Variants in CDH18 observed in about 807,000 individuals in gnomAD.
CDH18 encodes the protein cadherin-18.
A neutral mutation model predicts 67.9 loss-of-function variants in CDH18; 31 were observed. The observed-to-expected ratio is 0.46, with a 90% confidence interval of 0.34 to 0.62. CDH18 has a LOEUF of 0.62. Among genes scored for constraint, CDH18 ranks in the 20% least tolerant of loss-of-function variants. CDH18 has a pLI of 0.01. For missense variants in CDH18, 890 were observed against 975.5 expected, an observed-to-expected ratio of 0.91 and a Z score of 1.17; for synonymous variants, 362 against 347.2, an observed-to-expected ratio of 1.04 and a Z score of -0.48.
intron 1 of CDH18, among the ~76,000 whole-genome samples, chr5:20,470,975 C>T (rs944032442): frequency 1.3e-5 from 2 of 152,128 alleles, no homozygotes; most frequent in African/African-American, 2.4e-5. Flanking sequence ...CCTTGATGCT[C>T]CTCTTCTTTT....
At position 19,747,186 on chromosome 5, in the gene CDH18, A is replaced by G. The variant is rs778976848; in HGVS notation, c.279T>C (p.Thr93=). 6.2e-7 allele frequency: 1 copy of G among 1,614,044 alleles called. No homozygotes were observed. The highest frequency in any genetic ancestry group is 1.7e-5 in the Admixed American group (1 of 60,026). The stretch of plus-strand genomic sequence containing the variant: ...TAAATATAGTCCCAGCACCCTCTCC[A>G]GTAAGGATGTACTTGACAGATCCAT... ...KGDGSVKYIL[T]GEGAGTIFII... Residue 93 remains threonine, a synonymous_variant, in exon 4 of 13, where the codon ACT becomes ACC. Transcript: ENST00000382275.
At position 20,042,086 on chromosome 5, in the gene CDH18, C is replaced by T. The variant is rs557872605; in HGVS notation, c.-517-50072G>A. On this transcript the variant is annotated intron_variant, in intron 2 of 14. Coordinates refer to the CDH18 transcript ENST00000507958. ...TGTGTCAGCCAGAGTTCAAGGCACACGAGCTTTTCTCACACTGACATGTTC... is the reference window on the plus strand; with the variant it reads ...TGTGTCAGCCAGAGTTCAAGGCACATGAGCTTTTCTCACACTGACATGTTC... 5.9e-5 allele frequency among the ~76,000 whole-genome samples: 9 copies of T among 152,346 alleles called. No individual in the cohort carries two copies. In the South Asian group the frequency reaches 1.2e-3, roughly 21 times the overall value.
intron 4 of CDH18, among the ~76,000 whole-genome samples, chr5:19,739,815 A>G (rs920552743): frequency 5.3e-5 from 8 of 152,170 alleles, no homozygotes; most frequent in Non-Finnish European, 7.3e-5. Flanking sequence ...AATGGCTACT[A>G]GAATCTTGGC....
At chr5:20,103,429 T>C (rs1157736374) in intron 2 of CDH18, among the ~76,000 whole-genome samples, 3 of 151,956 alleles carry the variant, frequency 2.0e-5, no homozygotes, top group Non-Finnish European at 2.9e-5. Context: ...TTAGGTGAGA[T>C]ATATACATAA....
At chr5:20,019,102 AG>A (rs1202574715) in intron 2 of CDH18, among the ~76,000 whole-genome samples, 5 of 152,122 alleles carry the variant, frequency 3.3e-5, no homozygotes, top group Non-Finnish European at 5.9e-5. Flanking sequence ...CGGCCTAATA[AG>A]GCATTCTTAA....
chr5:20,103,345 A>G (rs368944877), intron 2 of CDH18, among the ~76,000 whole-genome samples: 7 of 152,208 alleles, frequency 4.6e-5, no homozygotes, highest in East Asian at 3.9e-4. Context: ...AAAAGGATTT[A>G]TAAAATCATC....
chr5:20,432,996 T>C (rs1748879725), intron 1 of CDH18, among the ~76,000 whole-genome samples: 1 of 143,858 alleles, frequency 7.0e-6, no homozygotes, highest in Non-Finnish European at 1.5e-5. Context: ...ATGTATACTA[T>C]TTAGTCATTG....
intron 2 of CDH18, among the ~76,000 whole-genome samples, chr5:20,006,492 A>G (rs527840109): frequency 1.3e-5 from 2 of 152,100 alleles, no homozygotes; most frequent in South Asian, 4.1e-4. Context: ...TACAATGTCT[A>G]CAATAACAGC....
chr5:19,836,339 G>A (rs1781631564), intron 3 of CDH18, among the ~76,000 whole-genome samples: 1 of 152,072 alleles, frequency 6.6e-6, no homozygotes. Context: ...GTTGTTTCCT[G>A]ACTTTTTAAT....
At chr5:20,540,644 T>C (rs1757002428) in intron 1 of CDH18, among the ~76,000 whole-genome samples, 1 of 152,166 alleles carries the variant, frequency 6.6e-6, no homozygotes, top group South Asian at 2.1e-4. Flanking sequence ...GACATATTGG[T>C]AGCACATCCA....
At position 20,424,353 on chromosome 5, in the gene CDH18, A is replaced by T. The variant is rs1343155416; in HGVS notation, c.-580+151109T>A. Among the ~76,000 whole-genome samples, 2 of 150,994 alleles carry T rather than the reference A, an allele frequency of 1.3e-5. 1 individual carries two copies. Among genetic ancestry groups the T allele is most frequent in the African/African-American group, 5.0e-5 (2 of 40,332 alleles). The stretch of plus-strand genomic sequence containing the variant: ...TTTCCAACAGCACCATCATATTATC[A>T]TACAAATGTGAAGGAAAGAACAAGG... On this transcript the variant is annotated intron_variant, in intron 1 of 14. Transcript: ENST00000507958.
At chr5:19,634,800 G>T (rs1580617844) in intron 5 of CDH18, among the ~76,000 whole-genome samples, 1 of 152,056 alleles carries the variant, frequency 6.6e-6, no homozygotes, top group Admixed American at 6.5e-5. Flanking sequence ...AGCCTGGCGT[G>T]GTGGCACATG....
intron 2 of CDH18, among the ~76,000 whole-genome samples, chr5:20,132,871 AC>A (rs1749387885): frequency 1.3e-5 from 2 of 152,128 alleles, no homozygotes; most frequent in African/African-American, 4.8e-5. Flanking sequence ...AGGAGTAAAA[AC>A]GTTATTTTCC....
chr5:19,886,447 G>A (rs1321967260), intron 2 of CDH18, among the ~76,000 whole-genome samples: 1 of 152,122 alleles, frequency 6.6e-6, no homozygotes, highest in Non-Finnish European at 1.5e-5. Context: ...AATTATTTCA[G>A]TTGCCAAATA....
intron 5 of CDH18, among the ~76,000 whole-genome samples, chr5:19,695,807 G>A (rs1762464756): frequency 6.6e-6 from 1 of 152,136 alleles, no homozygotes; most frequent in African/African-American, 2.4e-5. Context: ...TGTGTGTGAG[G>A]AGAGTGATTA....
intron 1 of CDH18, among the ~76,000 whole-genome samples, chr5:20,517,313 T>C (rs1755438853): frequency 6.6e-6 from 1 of 151,594 alleles, no homozygotes; most frequent in Admixed American, 6.6e-5. Context: ...CATAATGAGA[T>C]ACATATAAAC....
chr5:20,227,869 C>A (rs993439528), intron 2 of CDH18, among the ~76,000 whole-genome samples: 29 of 151,518 alleles, frequency 1.9e-4, no homozygotes, highest in African/African-American at 7.0e-4. Flanking sequence ...CCACAATTGT[C>A]TACAACTTTT....
chr5:20,564,787 G>T lies in CDH18; in HGVS notation c.-580+10675C>A, dbSNP rs147861895. ...AACCCATAATATTCTCACTGTAAGG[G>T]TCAGAGATCTAACAGAAAGACATTG... On this transcript the variant is annotated intron_variant, in intron 1 of 14. Coordinates refer to the CDH18 transcript ENST00000507958. 3.8e-3 allele frequency among the ~76,000 whole-genome samples: 578 copies of T among 152,128 alleles called. 9 individuals carry two copies. Among genetic ancestry groups the T allele is most frequent in the East Asian group, 0.023 (119 of 5,164 alleles).
chr5:20,339,537 T>C (rs1487093936), intron 1 of CDH18, among the ~76,000 whole-genome samples: 1 of 152,006 alleles, frequency 6.6e-6, no homozygotes, highest in African/African-American at 2.4e-5. Context: ...GAAATGCCTA[T>C]AGAGAGGCAC....
Sources: allele counts gnomAD v4.1 joint callset (sites outside exome capture counted in the v4.1 genomes callset), GRCh38; gene constraint gnomAD v4.1.1; transcripts MANE v1.5; gene names NCBI Gene and HGNC (gene_info 2026-07-23, HGNC 2026-07-21).